STAG1: variants seen among roughly 807,000 people sequenced by gnomAD.
STAG1 encodes cohesin subunit SA-1.
In STAG1, 26 loss-of-function variants were observed where a neutral mutation model predicts 170.9. The ratio of observed to expected loss-of-function variants is 0.15; its 90% CI spans 0.11 to 0.21. STAG1 has a LOEUF of 0.21. Ranked by LOEUF, STAG1 falls within the 10% of genes least tolerant of loss-of-function variation. STAG1 has a pLI of 1.00. For synonymous variants in STAG1, 514 were observed against 497.7 expected (o/e 1.03, Z -0.44); for missense variants, 964 against 1,509.5 (o/e 0.64, Z 5.99).
intron 7 of STAG1, among the ~76,000 whole-genome samples, chr3:136,511,624 C>T (rs1934069602): frequency 6.6e-6 from 1 of 152,096 alleles, no homozygotes; most frequent in Admixed American, 6.5e-5. Context: ...CAGACAGAAA[C>T]AACAGACAGT....
At chr3:136,598,964 A>G (rs1938555233) in intron 4 of STAG1, among the ~76,000 whole-genome samples, 1 of 152,172 alleles carries the variant, frequency 6.6e-6, no homozygotes, top group Non-Finnish European at 1.5e-5. Flanking sequence ...CTTTGGATCA[A>G]AGGAAATTTG....
chr3:136,575,723 T>G (rs1422059763), intron 4 of STAG1, among the ~76,000 whole-genome samples: 1 of 149,620 alleles, frequency 6.7e-6, no homozygotes, highest in East Asian at 1.9e-4. Context: ...AACAAGCAGC[T>G]TCCAAGGTCA....
intron 21 of STAG1, among the ~76,000 whole-genome samples, chr3:136,416,603 G>A (rs2087782286): frequency 6.6e-6 from 1 of 152,140 alleles, no homozygotes; most frequent in Non-Finnish European, 1.5e-5. Context: ...TTAGAAGCAT[G>A]GCTTGAAAAT....
chr3:136,675,591 T>C (rs1319558622), intron 1 of STAG1, among the ~76,000 whole-genome samples: 1 of 152,150 alleles, frequency 6.6e-6, no homozygotes, highest in Non-Finnish European at 1.5e-5. Context: ...TTTCAAACTA[T>C]ACAATATAGT....
intron 28 of STAG1, among the ~76,000 whole-genome samples, chr3:136,351,334 G>A (rs997064508): frequency 1.3e-5 from 2 of 151,994 alleles, no homozygotes; most frequent in Non-Finnish European, 2.9e-5. Context: ...TTAAGTAATT[G>A]CTATGCTTAA....
intron 22 of STAG1, among the ~76,000 whole-genome samples, chr3:136,395,666 A>G (rs1247169359): frequency 6.6e-6 from 1 of 152,190 alleles, no homozygotes; most frequent in Non-Finnish European, 1.5e-5. Flanking sequence ...TAGATTTACA[A>G]GGAGGAATTA....
At chr3:136,675,486 G>A (rs1326003791) in intron 1 of STAG1, among the ~76,000 whole-genome samples, 1 of 152,178 alleles carries the variant, frequency 6.6e-6, no homozygotes, top group Non-Finnish European at 1.5e-5. Flanking sequence ...CTGGTTTTCT[G>A]TTATCTAATG....
At position 136,648,364 on chromosome 3, in the gene STAG1, C is replaced by A. The variant is rs556693821; in HGVS notation, c.-83-17383G>T. On this transcript the variant is annotated intron_variant, in intron 1 of 33. Coordinates refer to ENST00000383202, the MANE Select transcript of STAG1 (RefSeq NM_005862.3). ...CTTCTACTGATGAAATGTGATGTAC[C>A]CTTTAGTTATGTTAGGTAGTAAAAA... Among the ~76,000 whole-genome samples, 4 of 152,196 alleles carry A rather than the reference C, an allele frequency of 2.6e-5. No homozygotes were observed. In the South Asian group the frequency reaches 8.3e-4, roughly 32 times the overall value.
At chr3:136,581,614 T>C (rs1002724377) in intron 4 of STAG1, among the ~76,000 whole-genome samples, 4 of 152,172 alleles carry the variant, frequency 2.6e-5, no homozygotes, top group Admixed American at 6.5e-5. Flanking sequence ...TTTGGTTACA[T>C]TTATACAAAA....
chr3:136,665,945 G>A (rs944941441), intron 1 of STAG1, among the ~76,000 whole-genome samples: 3 of 150,608 alleles, frequency 2.0e-5, no homozygotes, highest in African/African-American at 7.3e-5. Flanking sequence ...TGAGGTGGCG[G>A]GCACATGTAG....
chr3:136,719,518 C>T (rs1054310271), intron 1 of STAG1, among the ~76,000 whole-genome samples: 6 of 151,272 alleles, frequency 4.0e-5, no homozygotes, highest in African/African-American at 1.2e-4. Context: ...TATACCTCAA[C>T]GTATCTGTCA....
intron 1 of STAG1, among the ~76,000 whole-genome samples, chr3:136,634,730 A>T (rs1482177177): frequency 6.6e-6 from 1 of 152,134 alleles, no homozygotes; most frequent in Non-Finnish European, 1.5e-5. Flanking sequence ...GCACAGATAA[A>T]CTATATTGAG....
chr3:136,702,129 GACAGAGAGAC>G (rs1943097633), intron 1 of STAG1, among the ~76,000 whole-genome samples: 1 of 100,308 alleles, frequency 1.0e-5, no homozygotes. Flanking sequence ...GAGACAGAGA[GACAGAGAGAC>G]AGAGAGACAG....
intron 1 of STAG1, among the ~76,000 whole-genome samples, chr3:136,679,327 CCCA>C (rs1400320465): frequency 2.0e-5 from 3 of 152,156 alleles, no homozygotes; most frequent in Non-Finnish European, 4.4e-5. Flanking sequence ...TGCCTGTAAT[CCCA>C]CCACTTTGGG....
chr3:136,484,931 C>T (rs1354867499), intron 9 of STAG1, among the ~76,000 whole-genome samples: 13 of 152,066 alleles, frequency 8.5e-5, no homozygotes, highest in East Asian at 3.9e-4. Flanking sequence ...CGCCCTGCTT[C>T]GGCTCGCGCA....
intron 9 of STAG1, among the ~76,000 whole-genome samples, chr3:136,497,324 A>C (rs1295449347): frequency 2.0e-5 from 3 of 152,222 alleles, no homozygotes; most frequent in Non-Finnish European, 4.4e-5. Context: ...ACATAGATGC[A>C]GAAATTCTTG....
At chr3:136,666,407 G>C (rs953777507) in intron 1 of STAG1, among the ~76,000 whole-genome samples, 1 of 152,118 alleles carries the variant, frequency 6.6e-6, no homozygotes. Flanking sequence ...TAAATTTGTG[G>C]TAATTTACTG....
chr3:136,381,037 G>GAA (rs58810961), intron 22 of STAG1, among the ~76,000 whole-genome samples: 1,130 of 105,032 alleles, frequency 0.011, 5 homozygotes, highest in Non-Finnish European at 0.018. Context: ...AAAAAAAAAA[G>GAA]AAAAAAAAAA....
intron 3 of STAG1, among the ~76,000 whole-genome samples, chr3:136,618,884 AAG>A (rs1280359087): frequency 3.3e-5 from 5 of 152,204 alleles, no homozygotes; most frequent in African/African-American, 1.2e-4. Context: ...AAGTGCTGCG[AAG>A]AGATATTCTA....
Sources: gnomAD v4.1 joint callset for allele counts (sites outside exome capture counted in the v4.1 genomes callset) on GRCh38, gnomAD v4.1.1 for gene constraint, MANE v1.5 for transcripts, NCBI Gene and HGNC (gene_info 2026-07-23, HGNC 2026-07-21) for gene names.